Variants in TET3 observed in about 807,000 individuals in gnomAD.
The protein encoded by TET3 is tet methylcytosine dioxygenase 3.
In TET3, 19 loss-of-function variants were observed where a neutral mutation model predicts 141.4. That is an observed-to-expected ratio of 0.13 (90% CI 0.09 to 0.20). The LOEUF (loss-of-function observed/expected upper bound fraction) is 0.20. TET3 is among the 10% of genes least tolerant of loss of function. TET3 has a pLI of 1.00. For missense variants in TET3, 1,874 were observed against 2,356.9 expected (o/e 0.80, Z 4.24); for synonymous variants, 1,043 against 980.9 (o/e 1.06, Z -1.18).
At position 74,062,881 on chromosome 2, in the gene TET3, C is replaced by CTTTT. The variant is rs10649388; in HGVS notation, c.2495-10651_2495-10648dup. Among the ~76,000 whole-genome samples, 509 of 121,408 alleles carry CTTTT rather than the reference C, an allele frequency of 4.2e-3. 24 individuals are homozygous for CTTTT. The highest frequency in any genetic ancestry group is 0.014 in the African/African-American group (438 of 30,578). 79.6% of individuals were successfully genotyped at this position (121,408 alleles called of 152,430 possible). A position where few individuals can be genotyped will look rare whatever the true frequency, so the allele number is the denominator to read the frequency against. ...AATACTTGGTTAAGTTCAGGTGAAACTTTTTTTTTTTTTTTTTTTTGAGAC... is the reference window on the plus strand; with the variant it reads ...AATACTTGGTTAAGTTCAGGTGAAACTTTTTTTTTTTTTTTTTTTTTTTTGAGAC... On this transcript the variant is annotated intron_variant, in intron 4 of 11. Transcript: ENST00000409262.
chr2:74,091,009 C>T (rs184386710), intron 8 of TET3, among the ~76,000 whole-genome samples: 14 of 152,334 alleles, frequency 9.2e-5, no homozygotes, highest in African/African-American at 3.4e-4. Context: ...ACCCTCTCTA[C>T]ACCAAAGCCT....
intron 3 of TET3, among the ~76,000 whole-genome samples, chr2:74,009,084 T>C (rs1026269377): frequency 2.0e-5 from 3 of 152,146 alleles, no homozygotes; most frequent in Non-Finnish European, 2.9e-5. Context: ...ATCCACCGTC[T>C]CTCTCAAAAT....
At chr2:74,016,558 C>G (rs1395049122) in intron 3 of TET3, among the ~76,000 whole-genome samples, 1 of 151,930 alleles carries the variant, frequency 6.6e-6, no homozygotes, top group African/African-American at 2.4e-5. Context: ...TTTGTCTCTA[C>G]TAAAAATACA....
chr2:74,061,088 C>T (rs1478667786), intron 4 of TET3, among the ~76,000 whole-genome samples: 2 of 151,552 alleles, frequency 1.3e-5, no homozygotes, highest in African/African-American at 2.4e-5. Context: ...CCAGTAGGGG[C>T]GGCCGGGCAG....
intron 6 of TET3, among the ~76,000 whole-genome samples, chr2:74,081,200 AC>A (rs952229807): frequency 7.2e-5 from 11 of 152,134 alleles, no homozygotes; most frequent in Non-Finnish European, 1.2e-4. Flanking sequence ...AGTGACTCAG[AC>A]CCCAAGTCAC....
chr2:74,023,135 T>A (rs1224767681), intron 3 of TET3, among the ~76,000 whole-genome samples: 2 of 152,136 alleles, frequency 1.3e-5, no homozygotes, highest in African/African-American at 4.8e-5. Flanking sequence ...TGGACCACAT[T>A]TTTGAGTAGC....
the TET3 span, among the ~76,000 whole-genome samples, chr2:74,113,858 T>C: frequency 6.6e-6 from 1 of 151,974 alleles, no homozygotes. Context: ...AAATTCATAT[T>C]ATTAACATAA....
chr2:74,121,351 CAT>C, the TET3 span: 1 of 152,094 alleles, frequency 6.6e-6, no homozygotes, highest in African/African-American at 2.4e-5. Flanking sequence ...TCAGTGAAGA[CAT>C]ATGTAGCGAT....
At chr2:74,129,462 G>C in the TET3 span, among the ~76,000 whole-genome samples, 9 of 145,566 alleles carry the variant, frequency 6.2e-5, no homozygotes, top group Admixed American at 3.4e-4. Flanking sequence ...GTGAAACCTC[G>C]TCTCTACAAA....
chr2:74,013,263 G>A lies in TET3; in HGVS notation c.360+10097G>A, dbSNP rs149082644. Among the ~76,000 whole-genome samples the A allele has an allele frequency of 5.8e-3, 873 of 151,660 alleles. 7 individuals carry two copies. The highest frequency in any genetic ancestry group is 0.02 in the African/African-American group (830 of 41,364). ...CCCACCTCGGCCTCCCAAAGTGCTG[G>A]GATTACAGGCATGAGCCACCGCGCC... On this transcript the variant is annotated intron_variant, in intron 3 of 11. Transcript: ENST00000409262.
intron 10 of TET3, among the ~76,000 whole-genome samples, chr2:74,098,675 A>T (rs182986318): frequency 1.3e-5 from 2 of 151,426 alleles, no homozygotes; most frequent in East Asian, 1.9e-4. Flanking sequence ...GCTCACTGCA[A>T]CCTCCATCTC....
At chr2:74,068,310 T>G (rs1689018989) in intron 4 of TET3, among the ~76,000 whole-genome samples, 2 of 151,328 alleles carry the variant, frequency 1.3e-5, no homozygotes, top group South Asian at 4.2e-4. Context: ...CGTGTGTGTA[T>G]GTACAAATGT....
the TET3 span, among the ~76,000 whole-genome samples, chr2:74,133,861 C>T: frequency 6.6e-6 from 1 of 152,208 alleles, no homozygotes; most frequent in Admixed American, 6.5e-5. Context: ...TCTCCTGCCT[C>T]AGCCTCCTGA....
intron 2 of TET3, among the ~76,000 whole-genome samples, chr2:73,988,493 G>C (rs576854265): frequency 3.4e-4 from 52 of 152,210 alleles, no homozygotes; most frequent in Non-Finnish European, 7.1e-4. Flanking sequence ...AAGGGGCTGG[G>C]AGTGAGGCCA....
chr2:74,112,199 G>C (rs542543063), downstream of TET3, among the ~76,000 whole-genome samples: 86 of 152,008 alleles, frequency 5.7e-4, 2 homozygotes, highest in South Asian at 0.018. Flanking sequence ...GGCCCCACAG[G>C]ACTTGGCCCC....
chr2:74,038,858 G>A (rs1355943000), intron 3 of TET3, among the ~76,000 whole-genome samples: 1 of 152,196 alleles, frequency 6.6e-6, no homozygotes, highest in African/African-American at 2.4e-5. Context: ...AGGCTCTGGG[G>A]CAGCCTGTGG....
At chr2:73,987,833 G>C (rs1388328563) in intron 2 of TET3, among the ~76,000 whole-genome samples, 1 of 152,212 alleles carries the variant, frequency 6.6e-6, no homozygotes, top group Non-Finnish European at 1.5e-5. Context: ...TCGGGTCCCT[G>C]TGGCTGGCGT....
Position 74,107,688 on chromosome 2 carries a change from A to C in TET3, c.*5512A>C, listed in dbSNP as rs760562243. 7 of 152,086 alleles carry C rather than the reference A, an allele frequency of 4.6e-5. No homozygotes were observed. Among genetic ancestry groups the C allele is most frequent in the Non-Finnish European group, 8.8e-5 (6 of 68,004 alleles). 9.4% of individuals were successfully genotyped at this position (152,086 alleles called of 1,614,324 possible). ...AGCTTTTTGATGTGTTTTATTTCTTATCTCTTTGAATTCCTGTTTGGTTAC... is the reference window on the plus strand; with the variant it reads ...AGCTTTTTGATGTGTTTTATTTCTTCTCTCTTTGAATTCCTGTTTGGTTAC... On this transcript the variant is annotated 3_prime_UTR_variant, in exon 12 of 12. Coordinates refer to ENST00000409262, the MANE Select transcript of TET3 (RefSeq NM_001287491.2).
intron 2 of TET3, chr2:74,002,645 G>A: frequency 5.3e-6 from 2 of 374,616 alleles, no homozygotes; most frequent in Admixed American, 4.6e-5. Context: ...ATTGGCTGGC[G>A]AGCGCGCCGC....
Sources: allele counts gnomAD v4.1 joint callset (sites outside exome capture counted in the v4.1 genomes callset), GRCh38; gene constraint gnomAD v4.1.1; transcripts MANE v1.5; gene names NCBI Gene and HGNC (gene_info 2026-07-23, HGNC 2026-07-21).